DHRS9: variants seen among roughly 807,000 people sequenced by gnomAD.
DHRS9 encodes the protein dehydrogenase/reductase SDR family member 9.
A neutral mutation model predicts 26.6 loss-of-function variants in DHRS9; 18 were observed. The observed-to-expected ratio is 0.68, with a 90% CI of 0.47 to 1.00. The LOEUF is 1.00. DHRS9 is among the 50% of genes least tolerant of loss of function. The pLI is 0.00. For missense variants in DHRS9, 425 were observed against 378.7 expected, an observed-to-expected ratio of 1.12 and a Z score of -1.01; for synonymous variants, 134 against 141.1, an observed-to-expected ratio of 0.95 and a Z score of 0.36.
intron 4 of DHRS9, among the ~76,000 whole-genome samples, chr2:169,095,137 G>GGGC (rs1209747677): frequency 6.6e-6 from 1 of 152,096 alleles, no homozygotes; most frequent in Admixed American, 6.5e-5. Flanking sequence ...GGGGCCTCAT[G>GGGC]GGCTTTATGA....
At chr2:169,073,068 C>G (rs574667002) in intron 1 of DHRS9, among the ~76,000 whole-genome samples, 21 of 152,360 alleles carry the variant, frequency 1.4e-4, no homozygotes, top group Admixed American at 1.2e-3. Flanking sequence ...CCAATTATCA[C>G]TAGAACTCTG....
chr2:169,081,600 G>C lies in DHRS9; in HGVS notation c.19G>C (p.Gly7Arg), dbSNP rs369939633. 6.2e-7 allele frequency: 1 copy of C among 1,613,914 alleles called. No homozygotes were observed. Among genetic ancestry groups the C allele is most frequent in the African/African-American group, 1.3e-5 (1 of 74,854 alleles). Residue 7 changes from glycine to arginine, a missense_variant, in exon 2 of 5, where the codon GGC becomes CGC. Transcript: ENST00000674881. MLFWVLGLLILCGFLWT... is the reference protein window; with the variant it reads MLFWVLRLLILCGFLWT... ...GGGAAAAATGCTCTTTTGGGTGCTA[G>C]GCCTCCTAATCCTCTGTGGTTTTCT...
chr2:169,090,527 C>T (rs990242729), intron 3 of DHRS9, among the ~76,000 whole-genome samples: 1 of 152,122 alleles, frequency 6.6e-6, no homozygotes, highest in Non-Finnish European at 1.5e-5. Flanking sequence ...AAATATATTT[C>T]AAACTTTACA....
intron 3 of DHRS9, among the ~76,000 whole-genome samples, chr2:169,083,970 C>T (rs971803708): frequency 3.3e-5 from 5 of 151,644 alleles, no homozygotes; most frequent in Non-Finnish European, 5.9e-5. Context: ...TTCTGTACCC[C>T]CTAACCATTC....
chr2:169,094,825 G>A (rs375663098), intron 4 of DHRS9, among the ~76,000 whole-genome samples: 7 of 151,930 alleles, frequency 4.6e-5, no homozygotes, highest in African/African-American at 1.7e-4. Flanking sequence ...GAAAAGACTG[G>A]GGTTGTAATC....
intron 4 of DHRS9, among the ~76,000 whole-genome samples, chr2:169,092,667 T>C (rs1268322067): frequency 6.6e-6 from 1 of 151,928 alleles, no homozygotes; most frequent in African/African-American, 2.4e-5. Flanking sequence ...ATTACTTGGG[T>C]GGAAACTTTC....
At chr2:169,090,009 T>G (rs1042533958) in intron 3 of DHRS9, among the ~76,000 whole-genome samples, 17 of 152,224 alleles carry the variant, frequency 1.1e-4, no homozygotes, top group African/African-American at 4.1e-4. Flanking sequence ...TTACTCACTT[T>G]TAAAAAAGAT....
At position 169,070,408 on chromosome 2, in the gene DHRS9, T is replaced by C. The variant is rs1683764039; in HGVS notation, c.-60+691T>C. On this transcript the variant is annotated intron_variant, in intron 1 of 4. Transcript: ENST00000674881. Reference sequence around the variant, plus strand: ...TTGATGTTTAGGAGGTGTGCTTCAATAAATACATTTTAAAATCAACAATCA... The same window carrying C: ...TTGATGTTTAGGAGGTGTGCTTCAACAAATACATTTTAAAATCAACAATCA... 3 of 985,432 alleles carry C rather than the reference T, an allele frequency of 3.0e-6. No homozygotes were observed. The South Asian group carries it at 1.4e-4, about 46-fold the overall frequency. 61.0% of individuals were successfully genotyped at this position (985,432 alleles called of 1,614,324 possible). A position where few individuals can be genotyped will look rare whatever the true frequency, so the allele number is the denominator to read the frequency against.
intron 3 of DHRS9, among the ~76,000 whole-genome samples, chr2:169,089,138 G>A (rs1684442333): frequency 6.6e-6 from 1 of 152,192 alleles, no homozygotes; most frequent in Non-Finnish European, 1.5e-5. Flanking sequence ...TTATAAACAT[G>A]TGTGAGGTAT....
At chr2:169,093,231 G>C (rs996557209) in intron 4 of DHRS9, among the ~76,000 whole-genome samples, 5 of 152,080 alleles carry the variant, frequency 3.3e-5, no homozygotes, top group Admixed American at 6.6e-5. Context: ...ACTGTGGCAA[G>C]GTTCATGGTC....
At chr2:169,076,527 G>A (rs1176041608) in intron 1 of DHRS9, among the ~76,000 whole-genome samples, 1 of 151,958 alleles carries the variant, frequency 6.6e-6, no homozygotes. Context: ...ATCCATTTTT[G>A]TATTTACTGA....
chr2:169,077,160 G>A (rs1398509546), intron 1 of DHRS9, among the ~76,000 whole-genome samples: 2 of 152,148 alleles, frequency 1.3e-5, no homozygotes, highest in East Asian at 1.9e-4. Flanking sequence ...AAATAATAGG[G>A]TTGTCTGTTT....
upstream of DHRS9, among the ~76,000 whole-genome samples, chr2:169,067,703 G>A (rs1446635335): frequency 2.0e-5 from 3 of 152,086 alleles, no homozygotes; most frequent in African/African-American, 7.2e-5. Context: ...ACTTTCAAAG[G>A]TTGTATATTA....
In DHRS9 at chr2:169,096,139, T is replaced by C. The variant is rs186051262; in HGVS notation, c.*372T>C. 1.9e-4 allele frequency: 44 copies of C among 235,614 alleles called. No homozygotes were observed. The highest frequency in any genetic ancestry group is 7.5e-4 in the African/African-American group (33 of 44,242). 14.6% of individuals were successfully genotyped at this position (235,614 alleles called of 1,614,324 possible). ...TGTGAATGTTAAGTATCATCTCTTA[T>C]CTAAATATTAAAAGATAAGTCAAAC... On this transcript the variant is annotated 3_prime_UTR_variant, in exon 5 of 5. Transcript: ENST00000674881.
intron 1 of DHRS9, 93 bp from the exon 2 acceptor site, chr2:169,081,430 C>G: frequency 7.3e-7 from 1 of 1,378,140 alleles, no homozygotes; most frequent in African/African-American, 1.5e-5. Flanking sequence ...TTTATCCACA[C>G]TAATGCATTA....
chr2:169,081,636 A>G lies in DHRS9; in HGVS notation c.55A>G (p.Lys19Glu). The G allele has an allele frequency of 1.2e-6, 2 of 1,614,186 alleles. No individual in the cohort carries two copies. Among genetic ancestry groups the G allele is most frequent in the Non-Finnish European group, 8.5e-7 (1 of 1,180,028 alleles). ...LILCGFLWTR[K>E]GKLKIEDITD... ...CCTCTGTGGTTTTCTGTGGACTCGT[A>G]AAGGAAAACTAAAGATTGAAGACAT... The change falls in exon 2 of 5, where the codon AAA becomes GAA. Residue 19 changes from lysine to glutamate, a missense_variant. By Grantham distance (56) the Lys-to-Glu change is moderately conservative (BLOSUM62 1). Coordinates refer to ENST00000674881, the MANE Select transcript of DHRS9 (RefSeq NM_001376924.1).
At chr2:169,071,572 T>C (rs1340043474) in intron 1 of DHRS9, among the ~76,000 whole-genome samples, 1 of 152,146 alleles carries the variant, frequency 6.6e-6, no homozygotes, top group Admixed American at 6.5e-5. Flanking sequence ...AGTGAATCTG[T>C]AGTGGAAGTA....
chr2:169,090,447 T>C (rs762410454), intron 3 of DHRS9, among the ~76,000 whole-genome samples: 5 of 152,208 alleles, frequency 3.3e-5, no homozygotes, highest in Non-Finnish European at 7.3e-5. Flanking sequence ...GAAATAATCT[T>C]TTTTAATTTT....
intron 3 of DHRS9, among the ~76,000 whole-genome samples, chr2:169,086,273 T>A (rs1208917947): frequency 6.6e-6 from 1 of 152,218 alleles, no homozygotes; most frequent in Non-Finnish European, 1.5e-5. Flanking sequence ...GGTAAGAGAC[T>A]GACTCATTCT....
Sources: allele counts gnomAD v4.1 joint callset (sites outside exome capture counted in the v4.1 genomes callset), GRCh38; gene constraint gnomAD v4.1.1; transcripts MANE v1.5; gene names NCBI Gene and HGNC (gene_info 2026-07-23, HGNC 2026-07-21).